Variants in NEB observed in about 807,000 individuals in gnomAD.
The protein encoded by NEB is nebulin.
Under a neutral mutation model 952.2 loss-of-function variants are expected in NEB, and 512 were observed. The observed-to-expected ratio is 0.54, with a 90% CI of 0.50 to 0.58. The LOEUF is 0.58. NEB is among the 20% of genes least tolerant of loss of function. The pLI is 0.00. For synonymous variants in NEB, 2,900 were observed against 3,149.8 expected (o/e 0.92, Z 2.66); for missense variants, 8,428 against 9,231.1 (o/e 0.91, Z 3.56).
chr2:151,671,359 C>G (rs1349140281), intron 37 of NEB, 130 bp from the exon 38 acceptor site: 1 of 727,278 alleles, frequency 1.4e-6, no homozygotes, highest in East Asian at 2.7e-5. Flanking sequence ...CTGTCTGTCA[C>G]AGAGCTTATC....
In NEB at chr2:151,508,122, T is replaced by C. The variant is rs376065596; in HGVS notation, c.23347-13A>G. ...CCTTGTACTTTTTCTGGGAATAGAT[T>C]CCAAGAAATAAGGAGGGTAAACACC... On this transcript the variant is annotated splice_polypyrimidine_tract_variant and intron_variant, in intron 161 of 181. Transcript: ENST00000397345. 69 of 1,571,512 alleles carry C rather than the reference T, an allele frequency of 4.4e-5. 1 individual carries two copies. The Middle Eastern group carries it at 5.0e-4, about 11-fold the overall frequency.
chr2:151,506,326 A>T, intron 163 of NEB, 68 bp from the exon 164 acceptor site: 1 of 1,172,192 alleles, frequency 8.5e-7, no homozygotes. Flanking sequence ...CTGGAGAAAG[A>T]CTAGGACACA....
At chr2:151,725,025 T>C (rs1473180353) in intron 6 of NEB, 64 bp from the exon 7 acceptor site, 11 of 1,261,454 alleles carry the variant, frequency 8.7e-6, no homozygotes, top group Non-Finnish European at 1.3e-5. Context: ...ATTAAGGAAT[T>C]TCTTATAACC....
rs781688981 is a variant in NEB at position 151,640,380 on chromosome 2, C to T, written c.8660G>A (p.Arg2887Gln). 11 of 1,613,896 alleles carry T rather than the reference C, an allele frequency of 6.8e-6. No homozygotes were observed. The highest frequency in any genetic ancestry group is 2.2e-5 in the East Asian group (1 of 44,874). ...ATCGCTCTGGAGGTCATAGGCCTGC[C>T]GAGCATGGATGACGTCGCTCTGGTC... ...LPDQSDVIHA[R>Q]QAYDLQSDNM... The change falls in exon 61 of 182, where the codon CGG becomes CAG. Residue 2887 changes from arginine to glutamine, a missense_variant. Physicochemically the swap from Arg to Gln is conservative, Grantham distance 43. Around this residue, in one of 11 missense-constraint regions of NEB, gnomAD observed 1,772 missense variants for 1,960.3 expected, o/e 0.90. Transcript: ENST00000397345.
intron 53 of NEB, 21 bp downstream of exon 53, chr2:151,650,553 T>C: frequency 2.0e-6 from 3 of 1,533,922 alleles, no homozygotes; most frequent in South Asian, 1.3e-5. Context: ...ATATAAACTA[T>C]TGGATTTAAT....
chr2:151,511,587 A>C (rs2074388079), intron 161 of NEB, among the ~76,000 whole-genome samples: 2 of 152,220 alleles, frequency 1.3e-5, no homozygotes, highest in Non-Finnish European at 1.5e-5. Flanking sequence ...AGGGCACGTT[A>C]ACTATGGCTT....
chr2:151,540,668 A>G (rs1559707257), intron 137 of NEB, 29 bp downstream of exon 137: 1 of 1,576,764 alleles, frequency 6.3e-7, no homozygotes, highest in Admixed American at 1.7e-5. Context: ...CTTTTTACCC[A>G]GTGCCTCAGT....
rs1394720216 is a variant in NEB at position 151,567,414 on chromosome 2, A to C, written c.17910T>G (p.Asp5970Glu). The C allele has an allele frequency of 6.2e-7, 1 of 1,613,774 alleles. No homozygotes were observed. Among genetic ancestry groups the C allele is most frequent in the Non-Finnish European group, 8.5e-7 (1 of 1,179,794 alleles). Reference sequence around the variant, plus strand: ...GCTCAAACCAAACCAGCTTAGGATCATCTCTCATCGTCGGGACACCAACAT... The same window carrying C: ...GCTCAAACCAAACCAGCTTAGGATCCTCTCTCATCGTCGGGACACCAACAT... ...GHYVGVPTMR[D>E]DPKLVWFEHA... The change falls in exon 114 of 182, where the codon GAT becomes GAG. Residue 5970 changes from aspartate (D) to glutamate (E), a missense_variant. Physicochemically the swap from Asp to Glu is conservative, Grantham distance 45. This residue lies in a region of NEB where 3,374 missense variants were observed against 3,651.5 expected (regional missense o/e 0.92). Coordinates refer to ENST00000397345, the MANE Select transcript of NEB (RefSeq NM_001164508.2).
In NEB at chr2:151,565,164, C is replaced by A; in HGVS notation, c.18367-16G>T. 7.8e-7 allele frequency: 1 copy of A among 1,283,940 alleles called. No homozygotes were observed. Among genetic ancestry groups the A allele is most frequent in the Non-Finnish European group, 1.1e-6 (1 of 914,242 alleles). The allele number at this position is 1,283,940 out of a possible 1,614,324, so 79.5% of individuals were successfully genotyped here. A position where few individuals can be genotyped will look rare whatever the true frequency, so the allele number is the denominator to read the frequency against. On this transcript the variant is annotated splice_polypyrimidine_tract_variant and intron_variant, in intron 116 of 181. Transcript: ENST00000397345. ...TATATTTTACCTAAGGAGAGAAAACCAAATCTTTTATTACTATAAATGAAT... is the reference window on the plus strand; with the variant it reads ...TATATTTTACCTAAGGAGAGAAAACAAAATCTTTTATTACTATAAATGAAT...
chr2:151,540,684 AT>A lies in NEB; in HGVS notation c.20787+12del. ...TTTTTACCCAGTGCCTCAGTGCTGAATTCCCATCTTACCTCACTGACCATGT... is the reference window on the plus strand; with the variant it reads ...TTTTTACCCAGTGCCTCAGTGCTGAATCCCATCTTACCTCACTGACCATGT... On this transcript the variant is annotated intron_variant, in intron 137 of 181. Coordinates refer to ENST00000397345, the MANE Select transcript of NEB (RefSeq NM_001164508.2). 6.2e-7 allele frequency: 1 copy of A among 1,608,846 alleles called. No homozygotes were observed. The highest frequency in any genetic ancestry group is 8.5e-7 in the Non-Finnish European group (1 of 1,175,444).
In NEB at chr2:151,710,327, G is replaced by T. The variant is rs2099741062; in HGVS notation, c.927+107C>A. 18 of 608,080 alleles carry T rather than the reference G, an allele frequency of 3.0e-5. No individual in the cohort carries two copies. The South Asian group carries it at 4.8e-4, about 16-fold the overall frequency. The allele number at this position is 608,080 out of a possible 1,614,324, so 37.7% of individuals were successfully genotyped here. On this transcript the variant is annotated intron_variant, in intron 11 of 181. Transcript: ENST00000397345. The stretch of plus-strand genomic sequence containing the variant: ...ACCAGGTCTTGCCCCAAGAAGAGGG[G>T]CCTCAAGTGTTCTGGCACCCATTCA...
Position 151,642,764 on chromosome 2 carries a change from C to T in NEB, c.8265+1G>A, listed in dbSNP as rs1131691547. ...TCACGCACTATGAATATATTACTTACCTCACTGTAATTTACTTTGTTTTGT... is the reference window on the plus strand; with the variant it reads ...TCACGCACTATGAATATATTACTTATCTCACTGTAATTTACTTTGTTTTGT... On this transcript the variant is annotated splice_donor_variant, in intron 59 of 181. Transcript: ENST00000397345. LOFTEE classifies it high-confidence loss of function. The T allele has an allele frequency of 6.2e-7, 1 of 1,607,346 alleles. No individual in the cohort carries two copies. The highest frequency in any genetic ancestry group is 1.1e-5 in the South Asian group (1 of 90,410).
Position 151,494,352 on chromosome 2 carries a change from C to CCCAAA in NEB, c.24487-104_24487-100dup. ...GATAACTTTTGATTATCTTTAGGGC[C>CCCAAA]CCAAACCATTTGGGCAATTAGGTTA... On this transcript the variant is annotated intron_variant, in intron 173 of 181. Coordinates refer to ENST00000397345, the MANE Select transcript of NEB (RefSeq NM_001164508.2). 3.7e-6 allele frequency: 3 copies of CCCAAA among 811,180 alleles called. No homozygotes were observed. In the South Asian group the frequency reaches 4.8e-5, roughly 13 times the overall value. The allele number at this position is 811,180 out of a possible 1,614,324, so 50.2% of individuals were successfully genotyped here. A position where few individuals can be genotyped will look rare whatever the true frequency, so the allele number is the denominator to read the frequency against.
intron 146 of NEB, among the ~76,000 whole-genome samples, chr2:151,527,812 G>A (rs1166009438): frequency 2.6e-5 from 4 of 152,188 alleles, no homozygotes; most frequent in Non-Finnish European, 5.9e-5. Flanking sequence ...AATTTTTAAA[G>A]GCCTCCGGGT....
At chr2:151,671,608 CAG>C (rs1371169752) in intron 37 of NEB, among the ~76,000 whole-genome samples, 1 of 152,104 alleles carries the variant, frequency 6.6e-6, no homozygotes, top group Non-Finnish European at 1.5e-5. Flanking sequence ...TTATGCAACA[CAG>C]AGGGGAATCC....
At chr2:151,523,780 A>C (rs545007307) in intron 153 of NEB, among the ~76,000 whole-genome samples, 3 of 152,360 alleles carry the variant, frequency 2.0e-5, no homozygotes, top group Non-Finnish European at 4.4e-5. Flanking sequence ...TACCCTGATC[A>C]AACACTTGCC....
At chr2:151,687,344 T>C in intron 27 of NEB, 75 bp downstream of exon 27, 1 of 1,285,132 alleles carries the variant, frequency 7.8e-7, no homozygotes, top group Non-Finnish European at 1.1e-6. Context: ...TGAAATTCTT[T>C]TCCACACTAC....
chr2:151,552,826 A>G (rs2153654448), intron 127 of NEB, 50 bp from the exon 128 acceptor site: 1 of 1,367,004 alleles, frequency 7.3e-7, no homozygotes, highest in Admixed American at 1.9e-5. Flanking sequence ...CTTATGCTTG[A>G]AACTGCTGGT....
At chr2:151,639,759 C>G in intron 62 of NEB, 98 bp downstream of exon 62, 1 of 1,067,056 alleles carries the variant, frequency 9.4e-7, no homozygotes, top group Non-Finnish European at 1.3e-6. Context: ...AGATAGATGC[C>G]TTTTATTACT....
Sources: gnomAD v4.1 joint callset for allele counts (sites outside exome capture counted in the v4.1 genomes callset) on GRCh38, gnomAD v4.1.1 for gene constraint, gnomAD v4.1.1 regional missense constraint, MANE v1.5 for transcripts, NCBI Gene and HGNC (gene_info 2026-07-23, HGNC 2026-07-21) for gene names.